The following AGMO variants were observed in gnomAD, a reference collection of about 807,000 sequenced individuals.
AGMO encodes glyceryl-ether monooxygenase.
In AGMO, 75 loss-of-function variants were observed where a neutral mutation model predicts 60.2. The ratio of observed to expected loss-of-function variants is 1.25; its 90% CI spans 1.03 to 1.51. The LOEUF (loss-of-function observed/expected upper bound fraction) is 1.51. AGMO is among the 40% of genes most tolerant of loss of function. The pLI, the probability that AGMO is intolerant of heterozygous loss-of-function variation, is 0.00. For synonymous variants in AGMO, 261 were observed against 177.1 expected, an observed-to-expected ratio of 1.47 and a Z score of -3.76; for missense variants, 763 against 525.5, an observed-to-expected ratio of 1.45 and a Z score of -4.42.
intron 3 of AGMO, among the ~76,000 whole-genome samples, chr7:15,519,873 A>G (rs537410170): frequency 3.3e-5 from 5 of 152,182 alleles, no homozygotes; most frequent in African/African-American, 1.2e-4. Flanking sequence ...AATTGGAGAA[A>G]GAGTCAAGGC....
intron 12 of AGMO, among the ~76,000 whole-genome samples, chr7:15,289,700 CAAAG>C (rs1325953625): frequency 1.3e-5 from 2 of 151,958 alleles, no homozygotes; most frequent in Non-Finnish European, 2.9e-5. Context: ...AGGAGTAATT[CAAAG>C]AAAGAGGTAA....
At chr7:15,494,353 G>A (rs1783164168) in intron 3 of AGMO, among the ~76,000 whole-genome samples, 1 of 152,128 alleles carries the variant, frequency 6.6e-6, no homozygotes, top group Non-Finnish European at 1.5e-5. Context: ...CATTATGCTT[G>A]ATTATATTCA....
chr7:15,256,158 A>G (rs1018249299), intron 12 of AGMO, among the ~76,000 whole-genome samples: 2 of 152,194 alleles, frequency 1.3e-5, no homozygotes, highest in East Asian at 3.9e-4. Context: ...AGAATCTTTG[A>G]TATATCCAAG....
At chr7:15,270,567 G>C (rs1783568004) in intron 12 of AGMO, among the ~76,000 whole-genome samples, 1 of 65,672 alleles carries the variant, frequency 1.5e-5, no homozygotes, top group African/African-American at 6.6e-5. Flanking sequence ...CTGTCATTTT[G>C]TAGATTAAAC....
chr7:15,502,390 A>G (rs898070936), intron 3 of AGMO, among the ~76,000 whole-genome samples: 2 of 151,946 alleles, frequency 1.3e-5, no homozygotes, highest in South Asian at 2.1e-4. Flanking sequence ...TTATAATCAT[A>G]TATACTGCTG....
chr7:15,542,964 A>G (rs1784671508), intron 3 of AGMO, among the ~76,000 whole-genome samples: 1 of 152,178 alleles, frequency 6.6e-6, no homozygotes, highest in Non-Finnish European at 1.5e-5. Flanking sequence ...GCTATATTTA[A>G]ATTTTAACAG....
rs537673156 is a variant in AGMO, at chr7:15,503,356, C to G, written c.409+41416G>C. On this transcript the variant is annotated intron_variant, in intron 3 of 12. Transcript: ENST00000342526. ...GGATGAAAAAAGATAAATAAATTAT[C>G]CTTAAAAGATGAATACATTATAGCT... 5.3e-5 allele frequency among the ~76,000 whole-genome samples: 8 copies of G among 152,018 alleles called. 1 individual carries two copies. The East Asian group carries it at 1.6e-3, about 29-fold the overall frequency.
chr7:15,177,727 T>G, the AGMO span, among the ~76,000 whole-genome samples: 13 of 152,132 alleles, frequency 8.5e-5, no homozygotes, highest in African/African-American at 3.1e-4. Flanking sequence ...TTAATCCCCT[T>G]CCACTCCCCT....
At chr7:15,132,787 A>G in the AGMO span, among the ~76,000 whole-genome samples, 132,305 of 152,182 alleles carry the variant, frequency 0.87, 58,159 homozygotes, top group East Asian at 0.99. Context: ...TGACAAAGAC[A>G]ATGTGAAGTC....
intron 3 of AGMO, among the ~76,000 whole-genome samples, chr7:15,531,574 A>G: frequency 8.9e-6 from 1 of 111,790 alleles, no homozygotes; most frequent in Non-Finnish European, 1.8e-5. Flanking sequence ...TATATATTCC[A>G]TATATATATT....
chr7:15,338,313 C>G (rs1781727363), intron 12 of AGMO, among the ~76,000 whole-genome samples: 1 of 152,120 alleles, frequency 6.6e-6, no homozygotes. Context: ...TTTACACATT[C>G]ATCTGATAGC....
chr7:15,241,143 A>G (rs2128502988), intron 12 of AGMO, among the ~76,000 whole-genome samples: 1 of 152,072 alleles, frequency 6.6e-6, no homozygotes, highest in Admixed American at 6.5e-5. Context: ...TCTGGTAGGT[A>G]TCAAGCCAAC....
intron 10 of AGMO, among the ~76,000 whole-genome samples, chr7:15,367,025 C>A (rs566500302): frequency 3.3e-5 from 5 of 151,866 alleles, no homozygotes; most frequent in Non-Finnish European, 1.5e-5. Flanking sequence ...GTACGGCAGT[C>A]TTTTTTTATT....
At chr7:15,454,965 G>A (rs759693071) in intron 3 of AGMO, among the ~76,000 whole-genome samples, 1 of 151,778 alleles carries the variant, frequency 6.6e-6, no homozygotes, top group Non-Finnish European at 1.5e-5. Context: ...GTTGTTAAAC[G>A]GCATTCTTCC....
intron 12 of AGMO, among the ~76,000 whole-genome samples, chr7:15,324,376 T>TTC (rs1781273903): frequency 6.6e-6 from 1 of 152,180 alleles, no homozygotes; most frequent in Non-Finnish European, 1.5e-5. Flanking sequence ...GTTGCTGATG[T>TTC]TCTATCTTTT....
downstream of AGMO, among the ~76,000 whole-genome samples, chr7:15,198,247 GA>G (rs1563030478): frequency 2.2e-4 from 19 of 85,000 alleles, no homozygotes; most frequent in East Asian, 4.2e-3. Flanking sequence ...GAGAGAGAGA[GA>G]GAGAGAGACA....
chr7:15,313,654 G>T (rs895758810), intron 12 of AGMO, among the ~76,000 whole-genome samples: 1 of 152,062 alleles, frequency 6.6e-6, no homozygotes, highest in African/African-American at 2.4e-5. Context: ...AATATAAAAT[G>T]GTTCCCCCTT....
chr7:15,383,492 T>C (rs1583485856), intron 10 of AGMO, among the ~76,000 whole-genome samples: 1 of 96,668 alleles, frequency 1.0e-5, no homozygotes, highest in Admixed American at 9.8e-5. Context: ...TCAAGAAACC[T>C]CCTTTCCTTA....
intron 12 of AGMO, among the ~76,000 whole-genome samples, chr7:15,266,432 G>A (rs945959694): frequency 1.3e-5 from 2 of 151,854 alleles, no homozygotes; most frequent in South Asian, 2.1e-4. Context: ...ACTTCAAAGG[G>A]CTCATGTGAA....
Sources: allele counts gnomAD v4.1 joint callset (sites outside exome capture counted in the v4.1 genomes callset), GRCh38; gene constraint gnomAD v4.1.1; transcripts MANE v1.5; gene names NCBI Gene and HGNC (gene_info 2026-07-23, HGNC 2026-07-21).